The following XDH variants were observed in gnomAD, a reference collection of about 807,000 sequenced individuals.
XDH encodes xanthine dehydrogenase, also known as xanthine dehydrogenase/oxidase.
XDH carries 138 observed loss-of-function variants against 156.1 expected under a neutral mutation model. That is an observed-to-expected ratio of 0.88 (90% CI 0.77 to 1.02). The LOEUF is 1.02. Among genes scored for constraint, XDH ranks in the 50% least tolerant of loss-of-function variants. The pLI, the probability that XDH is intolerant of heterozygous loss-of-function variation, is 0.00. For missense variants in XDH, 1,849 were observed against 1,684.9 expected (o/e 1.10, Z -1.71); for synonymous variants, 669 against 625.7 (o/e 1.07, Z -1.03).
At position 31,405,823 on chromosome 2, in the gene XDH, A is replaced by G; in HGVS notation, c.100+84T>C. 2.6e-6 allele frequency: 4 copies of G among 1,519,084 alleles called. No homozygotes were observed. In the South Asian group the frequency reaches 4.5e-5, roughly 17 times the overall value. 94.1% of individuals were successfully genotyped at this position (1,519,084 alleles called of 1,614,324 possible). ...CTCCACACCTCAAGGCCACCCCACC[A>G]GTCACTAGGAAACAATGTAAGGCCT... On this transcript the variant is annotated intron_variant, in intron 2 of 35. Coordinates refer to ENST00000379416, the MANE Select transcript of XDH (RefSeq NM_000379.4).
rs573485546 is a variant in XDH at position 31,375,662 on chromosome 2, T to C, written c.1428-108A>G. On this transcript the variant is annotated intron_variant, in intron 14 of 35. Transcript: ENST00000379416. ...GAGCTGTACAAAGCTTGGTTCAAAA[T>C]TTGGCTTGGATACTTAGAGTTGGGT... 1.9e-4 allele frequency: 263 copies of C among 1,374,758 alleles called. 1 individual carries two copies. The African/African-American group carries it at 3.5e-3, about 19-fold the overall frequency. The allele number at this position is 1,374,758 out of a possible 1,614,324, so 85.2% of individuals were successfully genotyped here. A position where few individuals can be genotyped will look rare whatever the true frequency, so the allele number is the denominator to read the frequency against.
rs1188055521 is a variant in XDH at position 31,341,321 on chromosome 2, A to G, written c.3585+8T>C. 6.4e-7 allele frequency: 1 copy of G among 1,566,214 alleles called. No individual in the cohort carries two copies. The highest frequency in any genetic ancestry group is 1.3e-5 in the African/African-American group (1 of 74,092). On this transcript the variant is annotated splice_region_variant and intron_variant, in intron 33 of 35. Transcript: ENST00000379416. ...GTCTGTCACCACCCTGGTCCCACTG[A>G]GCCTCACCTGTCCAATATCAATGGC...
Position 31,381,682 on chromosome 2 carries a change from G to C in XDH, c.1083C>G (p.Leu361=). The C allele has an allele frequency of 6.2e-7, 1 of 1,614,076 alleles. No individual in the cohort carries two copies. The highest frequency in any genetic ancestry group is 8.5e-7 in the Non-Finnish European group (1 of 1,180,018). ...NIITASPISD[L]NPVFMASGAK... ...CCCCACTGGCCATGAACACGGGGTT[G>C]AGGTCGGAGATGGGGCTGGCAGTGA... The change falls in exon 12 of 36, where the codon CTC becomes CTG. Residue 361 remains leucine, a synonymous_variant. Transcript: ENST00000379416.
Position 31,372,238 on chromosome 2 carries a change from C to A in XDH, c.1846G>T (p.Ala616Ser). The A allele has an allele frequency of 6.2e-7, 1 of 1,614,198 alleles. No individual in the cohort carries two copies. The highest frequency in any genetic ancestry group is 1.1e-5 in the South Asian group (1 of 91,078). Residue 616 changes from alanine (A) to serine (S), a missense_variant, in exon 17 of 36, where the codon GCC (alanine) becomes TCC (serine). By Grantham distance (99) the Ala-to-Ser change is moderately conservative. Coordinates refer to ENST00000379416, the MANE Select transcript of XDH (RefSeq NM_000379.4). ...GGCGGTGTCACTCACTTGATCTTGGCGTGGGCCCGGGTGCTGGTGACCAGC... is the reference window on the plus strand; with the variant it reads ...GGCGGTGTCACTCACTTGATCTTGGAGTGGGCCCGGGTGCTGGTGACCAGC... Reference protein sequence around the residue: ...LRLVTSTRAHAKIKSIDTSEA... With the variant: ...LRLVTSTRAHSKIKSIDTSEA...
At chr2:31,375,019 C>CTTTTTTTTTTTT (rs757150117) in intron 15 of XDH, among the ~76,000 whole-genome samples, 4 of 101,234 alleles carry the variant, frequency 4.0e-5, no homozygotes, top group Admixed American at 1.0e-4. Flanking sequence ...TTCTTTCTTT[C>CTTTTTTTTTTTT]TTTCTTTTTT....
chr2:31,397,582 A>C, intron 6 of XDH, 86 bp downstream of exon 6: 1 of 1,488,258 alleles, frequency 6.7e-7, no homozygotes, highest in Non-Finnish European at 9.4e-7. Context: ...TGTAGACCAG[A>C]GGCCCTTGGT....
rs777732224 is a variant in XDH, at chr2:31,387,781, G to A, written c.651+30C>T. 3.1e-5 allele frequency: 48 copies of A among 1,551,668 alleles called. 1 individual carries two copies. Among genetic ancestry groups the A allele is most frequent in the African/African-American group, 4.1e-5 (3 of 73,684 alleles). The stretch of plus-strand genomic sequence containing the variant: ...TTCCAGGGACTCACAGTACAGACCC[G>A]GCTGGATCTGTCCCTGAGGCATCAC... On this transcript the variant is annotated intron_variant, in intron 8 of 35. Coordinates refer to ENST00000379416, the MANE Select transcript of XDH (RefSeq NM_000379.4).
intron 1 of XDH, among the ~76,000 whole-genome samples, chr2:31,408,942 T>A (rs1441033156): frequency 6.6e-6 from 1 of 152,050 alleles, no homozygotes; most frequent in African/African-American, 2.4e-5. Context: ...CACACTGGAG[T>A]GCTATTTAGC....
intron 24 of XDH, among the ~76,000 whole-genome samples, chr2:31,363,121 C>T (rs1273315777): frequency 1.3e-5 from 2 of 152,012 alleles, no homozygotes; most frequent in Non-Finnish European, 2.9e-5. Flanking sequence ...AGACCAGCCT[C>T]ATCAACATGG....
intron 24 of XDH, among the ~76,000 whole-genome samples, chr2:31,360,637 C>A (rs752854790): frequency 5.3e-5 from 8 of 152,184 alleles, no homozygotes; most frequent in Non-Finnish European, 8.8e-5. Flanking sequence ...GCCCCTTAGC[C>A]GCTTAGTCCC....
At chr2:31,402,047 G>A (rs1358831787) in intron 3 of XDH, among the ~76,000 whole-genome samples, 2 of 152,124 alleles carry the variant, frequency 1.3e-5, no homozygotes, top group African/African-American at 4.8e-5. Context: ...TTAAAAAGGA[G>A]ACCAGGCCTG....
chr2:31,368,319 T>A (rs1685977336), intron 19 of XDH, among the ~76,000 whole-genome samples: 1 of 152,152 alleles, frequency 6.6e-6, no homozygotes, highest in Admixed American at 6.5e-5. Flanking sequence ...AGGTAAAATT[T>A]TGAGAAGGAG....
intron 29 of XDH, among the ~76,000 whole-genome samples, chr2:31,347,297 T>C (rs568153105): frequency 2.0e-5 from 3 of 152,338 alleles, no homozygotes; most frequent in Non-Finnish European, 4.4e-5. Flanking sequence ...CATCTCCCCA[T>C]CCTGCACTCA....
At chr2:31,375,626 C>G in intron 14 of XDH, 72 bp from the exon 15 acceptor site, 1 of 1,541,936 alleles carries the variant, frequency 6.5e-7, no homozygotes, top group South Asian at 1.2e-5. Context: ...AGCTGTGTGC[C>G]CAGGGCCTCG....
chr2:31,388,163 G>C (rs2073316), intron 7 of XDH, 64 bp downstream of exon 7: 3 of 1,566,882 alleles, frequency 1.9e-6, no homozygotes, highest in Non-Finnish European at 1.8e-6. Flanking sequence ...CATGGAGCTC[G>C]TGCACTGACT....
chr2:31,359,544 G>T (rs1685718986), intron 24 of XDH, among the ~76,000 whole-genome samples: 1 of 152,078 alleles, frequency 6.6e-6, no homozygotes, highest in Admixed American at 6.5e-5. Flanking sequence ...TATATTAATG[G>T]CTATCAAGAC....
chr2:31,379,967 C>G lies in XDH; in HGVS notation c.1142G>C (p.Arg381Thr), dbSNP rs1229945336. 16 of 1,613,948 alleles carry G rather than the reference C, an allele frequency of 9.9e-6. No individual in the cohort carries two copies. The highest frequency in any genetic ancestry group is 1.4e-5 in the Non-Finnish European group (16 of 1,180,028). Residue 381 changes from arginine to threonine, a missense_variant, in exon 13 of 36, where the codon AGA becomes ACA. Coordinates refer to ENST00000379416, the MANE Select transcript of XDH (RefSeq NM_000379.4). Reference protein sequence around the residue: ...KLTLVSRGTRRTVQMDHTFFP... With the variant: ...KLTLVSRGTRTTVQMDHTFFP... ...GAAGGTGTGGTCCATCTGGACAGTT[C>G]TCCTGGTGCCTGTACAGAAGCAAGA...
intron 20 of XDH, 152 bp downstream of exon 20, chr2:31,367,809 T>C (rs1248265731): frequency 1.3e-6 from 1 of 780,456 alleles, no homozygotes; most frequent in Non-Finnish European, 2.3e-6. Context: ...CCCATCCAAC[T>C]GTCTCCTATT....
chr2:31,413,075 C>A (rs1687385746), intron 1 of XDH, among the ~76,000 whole-genome samples: 1 of 152,160 alleles, frequency 6.6e-6, no homozygotes, highest in South Asian at 2.1e-4. Context: ...AGCAAGCCAT[C>A]CCTGAAGAAG....
Sources: gnomAD v4.1 joint callset for allele counts (sites outside exome capture counted in the v4.1 genomes callset) on GRCh38, gnomAD v4.1.1 for gene constraint, MANE v1.5 for transcripts, NCBI Gene and HGNC (gene_info 2026-07-23, HGNC 2026-07-21) for gene names.